CHD9: variants seen among roughly 807,000 people sequenced by gnomAD.
CHD9 encodes the protein ATP-dependent chromatin remodeler CHD9.
In CHD9, 77 loss-of-function variants were observed where a neutral mutation model predicts 316.1. The observed-to-expected ratio is 0.24, with a 90% confidence interval of 0.20 to 0.29. The LOEUF is 0.29. Among genes scored for constraint, CHD9 ranks in the 10% least tolerant of loss-of-function variants. The probability of loss-of-function intolerance (pLI) is 1.00; values close to 1 mark genes in which losing one functional copy is unlikely to be tolerated. For synonymous variants in CHD9, 1,129 were observed against 1,158.3 expected, an observed-to-expected ratio of 0.97 and a Z score of 0.51; for missense variants, 2,763 against 3,438.1, an observed-to-expected ratio of 0.80 and a Z score of 4.91.
chr16:53,277,785 G>A (rs35631308), intron 24 of CHD9, among the ~76,000 whole-genome samples: 34,110 of 151,892 alleles, frequency 0.22, 4,621 homozygotes, highest in Admixed American at 0.34. Context: ...AGAAAGAAAG[G>A]GCATCCAAAT....
Position 53,196,799 on chromosome 16 carries a change from G to T in CHD9, c.1453-12683G>T, listed in dbSNP as rs577376869. ...CTGTAAATTGTAGGGCAATTTTAGAGCTTTCTAAGCCAAACTAAAGTTTTA... is the reference window on the plus strand; with the variant it reads ...CTGTAAATTGTAGGGCAATTTTAGATCTTTCTAAGCCAAACTAAAGTTTTA... On this transcript the variant is annotated intron_variant, in intron 2 of 38. Transcript: ENST00000447540. Among the ~76,000 whole-genome samples the T allele has an allele frequency of 7.9e-5, 12 of 152,256 alleles. No homozygotes were observed. In the South Asian group the frequency reaches 2.5e-3, roughly 32 times the overall value.
At chr16:53,086,175 G>A (rs1043349410) in intron 1 of CHD9, among the ~76,000 whole-genome samples, 5 of 152,118 alleles carry the variant, frequency 3.3e-5, no homozygotes. Context: ...GCCCACGTGG[G>A]TCTCCCTTTA....
chr16:53,061,705 G>T (rs997571259), intron 1 of CHD9, among the ~76,000 whole-genome samples: 3 of 152,170 alleles, frequency 2.0e-5, no homozygotes, highest in African/African-American at 7.2e-5. Flanking sequence ...TCATTATTGA[G>T]GGTTGTCTTG....
At position 53,245,536 on chromosome 16, in the gene CHD9, T is replaced by G; in HGVS notation, c.3198+57T>G. 1 of 1,536,468 alleles carries G rather than the reference T, an allele frequency of 6.5e-7. No individual in the cohort carries two copies. The stretch of plus-strand genomic sequence containing the variant: ...CGCATTTCTAATCATTGTAATTATT[T>G]TGTATGTGTAATTAAATGCTCACTT... On this transcript the variant is annotated intron_variant, in intron 14 of 38. Transcript: ENST00000447540. The surrounding 1 kb of genome is among the most constrained non-coding windows in gnomAD (Gnocchi z 4.1).
intron 30 of CHD9, 138 bp from the exon 31 acceptor site, chr16:53,303,582 A>C: frequency 5.5e-6 from 3 of 546,262 alleles, no homozygotes; most frequent in Non-Finnish European, 5.6e-6. Flanking sequence ...GAAATTCTGG[A>C]AACTATACAG....
intron 1 of CHD9, among the ~76,000 whole-genome samples, chr16:53,100,453 C>T (rs1386341514): frequency 6.2e-5 from 8 of 129,644 alleles, no homozygotes; most frequent in South Asian, 5.0e-4. Flanking sequence ...ACTCATTCGT[C>T]TTTTTTTTTT....
chr16:53,247,590 A>C, intron 16 of CHD9, 87 bp downstream of exon 16: 1 of 876,654 alleles, frequency 1.1e-6, no homozygotes, highest in Non-Finnish European at 1.8e-6. Flanking sequence ...AACTTTACTC[A>C]TATCTTTCTC....
chr16:53,312,419 AG>A (rs2056543040), intron 34 of CHD9, among the ~76,000 whole-genome samples: 1 of 152,206 alleles, frequency 6.6e-6, no homozygotes, highest in South Asian at 2.1e-4. Flanking sequence ...GGGATTGAAC[AG>A]GATTTGATAA....
chr16:53,155,887 C>A, intron 1 of CHD9, 39 bp from the exon 2 acceptor site: 1 of 554,172 alleles, frequency 1.8e-6, no homozygotes, highest in South Asian at 2.5e-5. Flanking sequence ...TGTATCAGTA[C>A]TTAATTTCTC....
chr16:53,105,349 C>T (rs1484100191), intron 1 of CHD9, among the ~76,000 whole-genome samples: 2 of 151,932 alleles, frequency 1.3e-5, no homozygotes, highest in African/African-American at 4.8e-5. Context: ...TAAGCAAATA[C>T]GGTTTTATGT....
chr16:53,316,523 T>C (rs181351185), intron 36 of CHD9, among the ~76,000 whole-genome samples: 119 of 152,316 alleles, frequency 7.8e-4, no homozygotes, highest in Middle Eastern at 3.4e-3. Flanking sequence ...TAATATTTTA[T>C]ATTACTTTAT....
chr16:53,196,816 A>C (rs901133809), intron 2 of CHD9, among the ~76,000 whole-genome samples: 1 of 152,230 alleles, frequency 6.6e-6, no homozygotes. Flanking sequence ...AAGCCAAACT[A>C]AAGTTTTATG....
At chr16:53,059,694 C>T (rs778688541) in intron 1 of CHD9, among the ~76,000 whole-genome samples, 9 of 152,296 alleles carry the variant, frequency 5.9e-5, no homozygotes, top group Middle Eastern at 3.4e-3. Context: ...GGATAATGAC[C>T]GTGAACAGGC....
intron 22 of CHD9, among the ~76,000 whole-genome samples, 160 bp from the exon 23 acceptor site, chr16:53,273,466 A>G (rs1268067249): frequency 6.6e-6 from 1 of 152,210 alleles, no homozygotes; most frequent in East Asian, 1.9e-4. Flanking sequence ...GTATAAAACC[A>G]TCATCTTGAT....
chr16:53,317,380 G>A (rs978205901), intron 36 of CHD9, among the ~76,000 whole-genome samples: 1 of 152,124 alleles, frequency 6.6e-6, no homozygotes, highest in Non-Finnish European at 1.5e-5. Flanking sequence ...TTTTTAATTG[G>A]CTGGAAATAC....
At chr16:53,145,706 CA>C (rs913485062) in intron 1 of CHD9, among the ~76,000 whole-genome samples, 3 of 148,264 alleles carry the variant, frequency 2.0e-5, no homozygotes, top group African/African-American at 4.9e-5. Flanking sequence ...AACTCCATCT[CA>C]AAAAAAAAAT....
At position 53,324,391 on chromosome 16, in the gene CHD9, C is replaced by G; in HGVS notation, c.8190C>G (p.Leu2730=). Residue 2730 remains leucine, a synonymous_variant, in exon 39 of 39, where the codon CTC becomes CTG. Coordinates refer to ENST00000447540, the MANE Select transcript of CHD9 (RefSeq NM_001308319.2). ...CAAATCTGTTGGGCATGGGAGGACT[C>G]CTGACAAAGCCTACGGAATCTGGGA... ...GLPNLLGMGG[L]LTKPTESGTE... 1 of 1,613,930 alleles carries G rather than the reference C, an allele frequency of 6.2e-7. No homozygotes were observed. The highest frequency in any genetic ancestry group is 8.5e-7 in the Non-Finnish European group (1 of 1,179,874).
intron 2 of CHD9, among the ~76,000 whole-genome samples, chr16:53,190,642 T>C (rs977792293): frequency 4.6e-5 from 7 of 152,170 alleles, no homozygotes; most frequent in African/African-American, 1.4e-4. Context: ...CTTTCAAGTC[T>C]TCCTTGCCCC....
chr16:53,312,047 G>A (rs1272382322), intron 34 of CHD9: 1 of 152,256 alleles, frequency 6.6e-6, no homozygotes, highest in African/African-American at 2.4e-5. Context: ...ATTAAAATCA[G>A]CCTCAGAAAT....
Sources: gnomAD v4.1 joint callset for allele counts (sites outside exome capture counted in the v4.1 genomes callset) on GRCh38, gnomAD v4.1.1 for gene constraint, Gnocchi (gnomAD v3.1) non-coding constraint, MANE v1.5 for transcripts, NCBI Gene and HGNC (gene_info 2026-07-23, HGNC 2026-07-21) for gene names.